CEP112: variants seen among roughly 807,000 people sequenced by gnomAD.
CEP112 encodes centrosomal protein of 112 kDa.
Under a neutral mutation model 153.0 loss-of-function variants are expected in CEP112, and 127 were observed. The ratio of observed to expected loss-of-function variants is 0.83; its 90% confidence interval spans 0.72 to 0.96. CEP112 has a LOEUF of 0.96. CEP112 is among the 40% of genes least tolerant of loss of function. The pLI is 0.00. For synonymous variants in CEP112, 358 were observed against 374.4 expected (o/e 0.96, Z 0.51); for missense variants, 1,089 against 1,101.2 (o/e 0.99, Z 0.16).
Position 66,029,133 on chromosome 17 carries a change from G to A in CEP112, c.1493C>T (p.Ser498Leu), listed in dbSNP as rs1212309742. 1 of 1,600,308 alleles carries A rather than the reference G, an allele frequency of 6.2e-7. No individual in the cohort carries two copies. Among genetic ancestry groups the A allele is most frequent in the East Asian group, 2.2e-5 (1 of 44,648 alleles). Residue 498 changes from serine to leucine, a missense_variant, in exon 14 of 27, where the codon TCA becomes TTA. Ser to Leu is a moderately radical substitution (Grantham distance 145). Transcript: ENST00000535342. ...INLLKQEHALSASKASSMIEE... is the reference protein window; with the variant it reads ...INLLKQEHALLASKASSMIEE... ...TAACATAAATAATACCTTAGAAGCT[G>A]AAAGAGCATGTTCTTGTTTTAGAAG... is the stretch of plus-strand genomic sequence containing the variant.
intron 24 of CEP112, among the ~76,000 whole-genome samples, chr17:65,681,971 C>T (rs232108): frequency 0.47 from 71,174 of 151,442 alleles, 16,975 homozygotes; most frequent in Admixed American, 0.55. Flanking sequence ...TGAGTCACCA[C>T]GCCAGGCCTG....
intron 21 of CEP112, among the ~76,000 whole-genome samples, chr17:65,809,105 T>C (rs900033370): frequency 1.3e-5 from 2 of 152,154 alleles, no homozygotes; most frequent in Non-Finnish European, 2.9e-5. Context: ...TCAGTGGTGT[T>C]CTGTTATAGT....
intron 21 of CEP112, among the ~76,000 whole-genome samples, chr17:65,803,437 T>C (rs774434750): frequency 6.6e-6 from 1 of 152,234 alleles, no homozygotes; most frequent in African/African-American, 2.4e-5. Flanking sequence ...CCATGCATCA[T>C]TTTAAAGTGG....
chr17:65,704,479 C>A (rs989997243), intron 23 of CEP112, among the ~76,000 whole-genome samples: 24 of 151,894 alleles, frequency 1.6e-4, no homozygotes, highest in Non-Finnish European at 2.8e-4. Flanking sequence ...ACTACCCAGT[C>A]CTACTAGACC....
chr17:65,945,365 T>C (rs147638399), intron 18 of CEP112, among the ~76,000 whole-genome samples: 1 of 152,336 alleles, frequency 6.6e-6, no homozygotes, highest in African/African-American at 2.4e-5. Flanking sequence ...TGTCTTTTTG[T>C]CAAGTACATA....
chr17:65,707,845 T>A (rs1435734178), intron 23 of CEP112, among the ~76,000 whole-genome samples: 3 of 152,252 alleles, frequency 2.0e-5, no homozygotes, highest in African/African-American at 4.8e-5. Context: ...CAGAACTTCA[T>A]GTACTGTGAA....
In CEP112 at chr17:65,956,381, GA is replaced by G. The variant is rs1346183937; in HGVS notation, c.1872+5081del. Among the ~76,000 whole-genome samples the G allele has an allele frequency of 6.4e-5, 9 of 140,594 alleles. No individual in the cohort carries two copies. The Admixed American group carries it at 6.7e-4, about 11-fold the overall frequency. 92.2% of individuals were successfully genotyped at this position (140,594 alleles called of 152,430 possible). On this transcript the variant is annotated intron_variant, in intron 18 of 26. Coordinates refer to ENST00000535342, the MANE Select transcript of CEP112 (RefSeq NM_001199165.4). ...GCCCGTAAGTCAACGAGTGGATAAA[GA>G]AATTATGATATATATACATACATAC... is the stretch of plus-strand genomic sequence containing the variant.
Position 65,738,331 on chromosome 17 carries a change from G to A in CEP112, c.2607+4737C>T, listed in dbSNP as rs115417007. On this transcript the variant is annotated intron_variant, in intron 23 of 26. Transcript: ENST00000535342. ...GTAGGAGGTGGCAGGGAAGGGTTAC[G>A]GCAGAAAGTATAAGGGTGCAAAAGT... 5.8e-3 allele frequency among the ~76,000 whole-genome samples: 880 copies of A among 152,168 alleles called. 11 individuals carry two copies. Among genetic ancestry groups the A allele is most frequent in the African/African-American group, 0.02 (830 of 41,508 alleles).
chr17:66,006,529 C>T (rs542212143), intron 16 of CEP112, among the ~76,000 whole-genome samples: 2 of 152,136 alleles, frequency 1.3e-5, no homozygotes, highest in East Asian at 3.9e-4. Flanking sequence ...TCGCTTGAAC[C>T]CAGGAGGTGG....
At chr17:65,654,838 T>A (rs2045975238) in intron 24 of CEP112, 4 of 416,420 alleles carry the variant, frequency 9.6e-6, no homozygotes, top group South Asian at 4.0e-5. Context: ...AATTTGTTCA[T>A]GAATCAAAGA....
intron 23 of CEP112, among the ~76,000 whole-genome samples, chr17:65,706,545 G>T (rs979582530): frequency 1.3e-5 from 2 of 152,168 alleles, no homozygotes; most frequent in African/African-American, 2.4e-5. Context: ...TACAACATGC[G>T]TCCCAGGCTT....
intron 23 of CEP112, among the ~76,000 whole-genome samples, chr17:65,708,692 C>A (rs1183492225): frequency 2.6e-5 from 4 of 152,120 alleles, no homozygotes; most frequent in African/African-American, 9.7e-5. Context: ...CTTTAAACTG[C>A]AGACAAAGTT....
At chr17:65,941,016 A>G (rs2061489946) in intron 18 of CEP112, among the ~76,000 whole-genome samples, 1 of 152,292 alleles carries the variant, frequency 6.6e-6, no homozygotes, top group Admixed American at 6.5e-5. Context: ...AATATATACA[A>G]TTATGATTTG....
chr17:65,638,603 T>C (rs905544571), intron 25 of CEP112, among the ~76,000 whole-genome samples: 10 of 152,348 alleles, frequency 6.6e-5, no homozygotes, highest in East Asian at 3.9e-4. Context: ...CATAGGACAA[T>C]TGATAATTTT....
At chr17:66,149,167 T>G (rs1046979818) in intron 4 of CEP112, among the ~76,000 whole-genome samples, 1 of 152,216 alleles carries the variant, frequency 6.6e-6, no homozygotes, top group African/African-American at 2.4e-5. Flanking sequence ...GAACCATTCT[T>G]GCAAGTTACG....
rs2051791796 is a variant in CEP112 at position 65,750,799 on chromosome 17, G to C, written c.2395-75C>G. ...TATCTCTTCCACATGCCTATCACCA[G>C]GCAGCTGGGATGCCTGCCAGCTGCA... is the stretch of plus-strand genomic sequence containing the variant. On this transcript the variant is annotated intron_variant, in intron 21 of 26. Coordinates refer to ENST00000535342, the MANE Select transcript of CEP112 (RefSeq NM_001199165.4). 9 of 1,383,782 alleles carry C rather than the reference G, an allele frequency of 6.5e-6. No homozygotes were observed. The South Asian group carries it at 1.1e-4, about 16-fold the overall frequency. 85.7% of individuals were successfully genotyped at this position (1,383,782 alleles called of 1,614,324 possible). A position where few individuals can be genotyped will look rare whatever the true frequency, so the allele number is the denominator to read the frequency against.
chr17:65,723,037 A>G (rs965535774), intron 23 of CEP112, among the ~76,000 whole-genome samples: 1 of 152,244 alleles, frequency 6.6e-6, no homozygotes, highest in South Asian at 2.1e-4. Context: ...CTATCTACAC[A>G]GTATCTAACC....
At chr17:65,772,340 T>C (rs1466344562) in intron 21 of CEP112, among the ~76,000 whole-genome samples, 2 of 151,914 alleles carry the variant, frequency 1.3e-5, no homozygotes, top group African/African-American at 4.8e-5. Flanking sequence ...AACAATAAAA[T>C]TGATAAATTT....
At chr17:65,927,077 G>A (rs2060952870) in intron 19 of CEP112, among the ~76,000 whole-genome samples, 1 of 151,860 alleles carries the variant, frequency 6.6e-6, no homozygotes, top group African/African-American at 2.4e-5. Flanking sequence ...CATCCCCTTG[G>A]TGATAAGTGA....
Sources: allele counts gnomAD v4.1 joint callset (sites outside exome capture counted in the v4.1 genomes callset), GRCh38; gene constraint gnomAD v4.1.1; transcripts MANE v1.5; gene names NCBI Gene and HGNC (gene_info 2026-07-23, HGNC 2026-07-21).